PARPBP: variants seen among roughly 807,000 people sequenced by gnomAD.
The protein encoded by PARPBP is PCNA-interacting partner.
PARPBP carries 52 observed loss-of-function variants against 50.0 expected under a neutral mutation model. That is an observed-to-expected ratio of 1.04 (90% CI 0.83 to 1.31). The LOEUF (loss-of-function observed/expected upper bound fraction) is 1.31. Ranked by LOEUF, PARPBP falls within the 50% of genes most tolerant of loss-of-function variation. The probability of loss-of-function intolerance (pLI) is 0.00; values close to 1 mark genes in which losing one functional copy is unlikely to be tolerated. For missense variants in PARPBP, 697 were observed against 672.0 expected (o/e 1.04, Z -0.41); for synonymous variants, 244 against 232.1 (o/e 1.05, Z -0.47).
rs766088615 is a variant in PARPBP at position 102,196,743 on chromosome 12, T to G, written c.*452T>G. 2 of 1,440,162 alleles carry G rather than the reference T, an allele frequency of 1.4e-6. No individual in the cohort carries two copies. Among genetic ancestry groups the G allele is most frequent in the African/African-American group, 2.8e-5 (2 of 71,384 alleles). 89.2% of individuals were successfully genotyped at this position (1,440,162 alleles called of 1,614,324 possible). A position where few individuals can be genotyped will look rare whatever the true frequency, so the allele number is the denominator to read the frequency against. On this transcript the variant is annotated 3_prime_UTR_variant, in exon 11 of 11. Coordinates refer to ENST00000327680, the MANE Select transcript of PARPBP (RefSeq NM_017915.5). ...GTTTAAATTGTTTAAAGGACTATAA[T>G]TATCACACAAAATTTATTAAGAAAA...
chr12:102,126,564 A>T (rs1172863023), intron 2 of PARPBP, among the ~76,000 whole-genome samples: 2 of 152,186 alleles, frequency 1.3e-5, no homozygotes, highest in Admixed American at 1.3e-4. Context: ...AGGCCGGCAG[A>T]TCACATGAGG....
chr12:102,162,086 T>A (rs1006448488), intron 4 of PARPBP, among the ~76,000 whole-genome samples: 27 of 152,156 alleles, frequency 1.8e-4, no homozygotes, highest in Admixed American at 1.8e-3. Flanking sequence ...CATGGGAACT[T>A]AAACAGTCAA....
chr12:102,176,549 T>C (rs1325605517), intron 7 of PARPBP, among the ~76,000 whole-genome samples: 1 of 152,200 alleles, frequency 6.6e-6, no homozygotes, highest in Non-Finnish European at 1.5e-5. Flanking sequence ...CAGAGATAAT[T>C]AAATAGAGTA....
intron 2 of PARPBP, among the ~76,000 whole-genome samples, chr12:102,146,689 A>T (rs1386951238): frequency 2.0e-5 from 3 of 151,970 alleles, no homozygotes; most frequent in African/African-American, 7.2e-5. Context: ...ACCAAAAGCA[A>T]TGGCAACAAA....
chr12:102,195,574 C>G (rs1891227738), intron 10 of PARPBP, 127 bp downstream of exon 10: 1 of 678,546 alleles, frequency 1.5e-6, no homozygotes, highest in Non-Finnish European at 2.5e-6. Flanking sequence ...TTTTTAAAGA[C>G]CTCAGTTTAT....
chr12:102,132,084 A>C (rs1299373899), intron 2 of PARPBP, among the ~76,000 whole-genome samples: 1 of 152,162 alleles, frequency 6.6e-6, no homozygotes, highest in East Asian at 1.9e-4. Flanking sequence ...ATGTGCCTGT[A>C]ATCCCAGCTA....
In PARPBP at chr12:102,196,838, C is replaced by T. The variant is rs1891353141; in HGVS notation, c.*547C>T. ...TAATAATTAATTGTTGCTATTTAAT[C>T]CCACATTTTTGGCAGGTGTAATTGA... On this transcript the variant is annotated 3_prime_UTR_variant, in exon 11 of 11. Transcript: ENST00000327680. 2 of 1,046,592 alleles carry T rather than the reference C, an allele frequency of 1.9e-6. No individual in the cohort carries two copies. The highest frequency in any genetic ancestry group is 4.2e-5 in the Admixed American group (2 of 47,766). The allele number at this position is 1,046,592 out of a possible 1,614,324, so 64.8% of individuals were successfully genotyped here. A position where few individuals can be genotyped will look rare whatever the true frequency, so the allele number is the denominator to read the frequency against.
At chr12:102,169,229 C>T (rs915583589) in intron 6 of PARPBP, among the ~76,000 whole-genome samples, 2 of 152,166 alleles carry the variant, frequency 1.3e-5, no homozygotes, top group African/African-American at 4.8e-5. Context: ...CCTATTGGAA[C>T]TCTTTTTTCC....
At chr12:102,133,740 C>A (rs1187597428) in intron 2 of PARPBP, among the ~76,000 whole-genome samples, 1 of 151,830 alleles carries the variant, frequency 6.6e-6, no homozygotes, top group Non-Finnish European at 1.5e-5. Flanking sequence ...ATATGTTAGC[C>A]CACAAAACAA....
chr12:102,120,908 C>T (rs771317305), intron 1 of PARPBP, among the ~76,000 whole-genome samples: 2 of 152,176 alleles, frequency 1.3e-5, no homozygotes, highest in Non-Finnish European at 2.9e-5. Context: ...GTTCTTTCAA[C>T]CATTTCACAC....
intron 2 of PARPBP, among the ~76,000 whole-genome samples, chr12:102,133,933 A>G (rs138455537): frequency 6.6e-6 from 1 of 152,236 alleles, no homozygotes; most frequent in African/African-American, 2.4e-5. Flanking sequence ...TGGAAGTACA[A>G]CATACCACAA....
chr12:102,125,450 A>G (rs908780929), intron 2 of PARPBP, among the ~76,000 whole-genome samples: 1 of 152,182 alleles, frequency 6.6e-6, no homozygotes, highest in Admixed American at 6.5e-5. Context: ...TTGAGCAAAG[A>G]TTTGAAACAG....
intron 9 of PARPBP, among the ~76,000 whole-genome samples, chr12:102,191,684 A>G (rs1890804865): frequency 6.6e-6 from 1 of 152,146 alleles, no homozygotes; most frequent in African/African-American, 2.4e-5. Flanking sequence ...ATTTCAAATT[A>G]AAAAGAGCTT....
Position 102,162,635 on chromosome 12 carries a change from A to G in PARPBP, c.496-1803A>G, listed in dbSNP as rs377268016. On this transcript the variant is annotated intron_variant, in intron 4 of 10. Transcript: ENST00000327680. ...CAGGAGTTCAACACCAACCTGGGCA[A>G]CATAGTGGGACCTTTTCTCTACAAA... Among the ~76,000 whole-genome samples the G allele has an allele frequency of 8.3e-4, 126 of 152,236 alleles. 1 individual carries two copies. The Middle Eastern group carries it at 0.014, about 16-fold the overall frequency.
chr12:102,165,752 A>C lies in PARPBP; in HGVS notation c.690A>C (p.Thr230=). The change falls in exon 6 of 11, where the codon ACA becomes ACC. Residue 230 remains threonine, a synonymous_variant. Coordinates refer to ENST00000327680, the MANE Select transcript of PARPBP (RefSeq NM_017915.5). ...AGGTGGCCACGTCTTTTATTAGAAC[A>C]ATAGAGCTTGGAGGGAAAGGATATG... The part of the protein sequence containing the change: ...IFLVATSFIR[T]IELGGKGYAP... 6.2e-7 allele frequency: 1 copy of C among 1,609,264 alleles called. No individual in the cohort carries two copies. Among genetic ancestry groups the C allele is most frequent in the Non-Finnish European group, 8.5e-7 (1 of 1,177,640 alleles).
At chr12:102,146,781 A>T (rs552374069) in intron 2 of PARPBP, among the ~76,000 whole-genome samples, 1 of 152,176 alleles carries the variant, frequency 6.6e-6, no homozygotes, top group Non-Finnish European at 1.5e-5. Flanking sequence ...TGAACAGGCA[A>T]CCTACAAAAT....
intron 6 of PARPBP, among the ~76,000 whole-genome samples, chr12:102,166,721 A>G (rs1264076832): frequency 6.6e-6 from 1 of 152,158 alleles, no homozygotes; most frequent in Non-Finnish European, 1.5e-5. Flanking sequence ...CTGTGCATCC[A>G]TTCTCTTAAT....
chr12:102,171,898 T>C (rs1302035725), intron 6 of PARPBP, among the ~76,000 whole-genome samples: 1 of 152,130 alleles, frequency 6.6e-6, no homozygotes, highest in East Asian at 1.9e-4. Context: ...GAAATATTTT[T>C]CATATATTTT....
chr12:102,161,504 A>C (rs922127006), intron 4 of PARPBP, among the ~76,000 whole-genome samples: 3 of 152,220 alleles, frequency 2.0e-5, no homozygotes, highest in African/African-American at 7.2e-5. Context: ...ATGAAAACTC[A>C]TTGAGAACCT....
Sources: allele counts gnomAD v4.1 joint callset (sites outside exome capture counted in the v4.1 genomes callset), GRCh38; gene constraint gnomAD v4.1.1; transcripts MANE v1.5; gene names NCBI Gene and HGNC (gene_info 2026-07-23, HGNC 2026-07-21).